FILIP1: variants seen among roughly 807,000 people sequenced by gnomAD.
FILIP1 encodes the protein filamin A interacting protein 1.
In FILIP1, 61 loss-of-function variants were observed where a neutral mutation model predicts 102.1. The ratio of observed to expected loss-of-function variants is 0.60; its 90% CI spans 0.49 to 0.74. The LOEUF is 0.74. Among genes scored for constraint, FILIP1 ranks in the 30% least tolerant of loss-of-function variants. The pLI, the probability that FILIP1 is intolerant of heterozygous loss-of-function variation, is 0.00. For synonymous variants in FILIP1, 491 were observed against 526.9 expected, an observed-to-expected ratio of 0.93 and a Z score of 0.93; for missense variants, 1,314 against 1,441.2, an observed-to-expected ratio of 0.91 and a Z score of 1.43.
At chr6:75,309,387 G>C (rs1384169663) in intron 5 of FILIP1, among the ~76,000 whole-genome samples, 1 of 152,098 alleles carries the variant, frequency 6.6e-6, no homozygotes, top group African/African-American at 2.4e-5. Flanking sequence ...GTCTTGCTGT[G>C]ATTTCTTAGG....
intron 1 of FILIP1, among the ~76,000 whole-genome samples, chr6:75,481,510 C>G (rs541743049): frequency 1.3e-5 from 2 of 152,192 alleles, no homozygotes; most frequent in Admixed American, 6.5e-5. Flanking sequence ...CCTTCCTGCT[C>G]CTGCTGACAA....
chr6:75,472,732 T>G (rs957054531), intron 1 of FILIP1, among the ~76,000 whole-genome samples: 3 of 152,164 alleles, frequency 2.0e-5, no homozygotes, highest in African/African-American at 7.2e-5. Context: ...AACTATGACA[T>G]GTACAAACCA....
At chr6:75,396,619 C>T (rs1413709384) in intron 2 of FILIP1, among the ~76,000 whole-genome samples, 1 of 152,004 alleles carries the variant, frequency 6.6e-6, no homozygotes, top group Non-Finnish European at 1.5e-5. Context: ...AGGTAGACAA[C>T]AGTGTGGTAT....
intron 2 of FILIP1, among the ~76,000 whole-genome samples, chr6:75,392,768 C>T (rs1253040282): frequency 1.3e-5 from 2 of 152,112 alleles, no homozygotes; most frequent in Non-Finnish European, 2.9e-5. Context: ...ATCATGGGGG[C>T]AGGTCTTTCC....
chr6:75,307,392 GAACA>G (rs1773020386), downstream of FILIP1, among the ~76,000 whole-genome samples: 1 of 151,962 alleles, frequency 6.6e-6, no homozygotes, highest in South Asian at 2.1e-4. Context: ...TATAATTTTG[GAACA>G]CTCACAATTC....
At chr6:75,354,581 A>AC (rs1205696017) in intron 3 of FILIP1, among the ~76,000 whole-genome samples, 7 of 152,248 alleles carry the variant, frequency 4.6e-5, no homozygotes, top group African/African-American at 1.7e-4. Context: ...AAAAAAAAAA[A>AC]AAAAAAAAAC....
chr6:75,465,554 G>T, intron 1 of FILIP1: 2 of 574,150 alleles, frequency 3.5e-6, no homozygotes, highest in South Asian at 1.8e-5. Flanking sequence ...CTGCCTGAAG[G>T]ACAGTTTCAC....
chr6:75,372,683 A>G (rs201682864), intron 2 of FILIP1, among the ~76,000 whole-genome samples: 12 of 48,214 alleles, frequency 2.5e-4, no homozygotes, highest in African/African-American at 3.7e-4. Flanking sequence ...GAAAGAAAGA[A>G]AGAGAAAGAA....
chr6:75,484,656 GTGT>G (rs1322774218), intron 1 of FILIP1, among the ~76,000 whole-genome samples: 1 of 152,196 alleles, frequency 6.6e-6, no homozygotes, highest in Admixed American at 6.5e-5. Flanking sequence ...TGCACAGAGA[GTGT>G]TGAGAGCCAC....
At chr6:75,302,830 T>C (rs1229540372) in intron 6 of FILIP1, among the ~76,000 whole-genome samples, 1 of 145,168 alleles carries the variant, frequency 6.9e-6, no homozygotes, top group Non-Finnish European at 1.5e-5. Flanking sequence ...TGACATGATA[T>C]GATATGATAT....
intron 1 of FILIP1, among the ~76,000 whole-genome samples, chr6:75,474,449 A>T (rs550951512): frequency 6.6e-6 from 1 of 152,224 alleles, no homozygotes; most frequent in Non-Finnish European, 1.5e-5. Flanking sequence ...CTGGAAGTGA[A>T]GGAGGAAGTA....
chr6:75,403,855 A>C (rs1776743377), intron 2 of FILIP1, among the ~76,000 whole-genome samples: 1 of 152,184 alleles, frequency 6.6e-6, no homozygotes, highest in Non-Finnish European at 1.5e-5. Context: ...ACTTCAGAAA[A>C]AGTAGTTTGG....
intron 4 of FILIP1, among the ~76,000 whole-genome samples, chr6:75,332,779 T>C (rs1236176320): frequency 6.6e-6 from 1 of 152,094 alleles, no homozygotes; most frequent in Non-Finnish European, 1.5e-5. Flanking sequence ...CTTTCCCCCA[T>C]GGAAGGCACT....
At chr6:75,322,607 A>G (rs1250942033) in intron 4 of FILIP1, among the ~76,000 whole-genome samples, 1 of 152,250 alleles carries the variant, frequency 6.6e-6, no homozygotes, top group Non-Finnish European at 1.5e-5. Context: ...AAGACAAGTA[A>G]ATGAATTAAT....
chr6:75,409,754 G>C (rs187493404), intron 2 of FILIP1, among the ~76,000 whole-genome samples: 18 of 152,080 alleles, frequency 1.2e-4, no homozygotes, highest in African/African-American at 4.3e-4. Context: ...CTTAAGATTG[G>C]TGTTTTGAGA....
intron 1 of FILIP1, among the ~76,000 whole-genome samples, chr6:75,426,914 C>T (rs1777646246): frequency 1.3e-5 from 2 of 152,038 alleles, no homozygotes; most frequent in Admixed American, 6.6e-5. Context: ...TTGCACGGGA[C>T]CCTCCAAATT....
intron 2 of FILIP1, chr6:75,399,440 A>G (rs1776579371): frequency 6.6e-6 from 1 of 152,226 alleles, no homozygotes; most frequent in East Asian, 1.9e-4. Flanking sequence ...ATAGCAGCAC[A>G]TTATTTTACT....
At chr6:75,308,921 T>A in intron 5 of FILIP1, 24 bp from the exon 6 acceptor site, 1 of 1,611,012 alleles carries the variant, frequency 6.2e-7, no homozygotes, top group Non-Finnish European at 8.5e-7. Flanking sequence ...AATACGTAGA[T>A]ACAAGGGAGA....
intron 1 of FILIP1, among the ~76,000 whole-genome samples, chr6:75,467,994 G>A (rs1779218547): frequency 6.6e-6 from 1 of 152,118 alleles, no homozygotes; most frequent in South Asian, 2.1e-4. Context: ...TTCCAGCTGG[G>A]AGTCAAAGGT....
Sources: gnomAD v4.1 joint callset for allele counts (sites outside exome capture counted in the v4.1 genomes callset) on GRCh38, gnomAD v4.1.1 for gene constraint, MANE v1.5 for transcripts, NCBI Gene and HGNC (gene_info 2026-07-23, HGNC 2026-07-21) for gene names.